The following CACNA2D3 variants were observed in gnomAD, a reference collection of about 807,000 sequenced individuals.
CACNA2D3 encodes voltage-dependent calcium channel subunit alpha-2/delta-3.
A neutral mutation model predicts 160.6 loss-of-function variants in CACNA2D3; 60 were observed. The ratio of observed to expected loss-of-function variants is 0.37; its 90% CI spans 0.30 to 0.46. The LOEUF (loss-of-function observed/expected upper bound fraction) is 0.46, where lower values mean the gene tolerates loss of function less well. Ranked by LOEUF, CACNA2D3 falls within the 20% of genes least tolerant of loss-of-function variation. CACNA2D3 has a pLI of 1.00. For missense variants in CACNA2D3, 1,205 were observed against 1,365.0 expected (o/e 0.88, Z 1.85); for synonymous variants, 558 against 492.9 (o/e 1.13, Z -1.75).
chr3:54,190,097 G>A (rs1031580228), intron 2 of CACNA2D3, among the ~76,000 whole-genome samples: 2 of 152,150 alleles, frequency 1.3e-5, no homozygotes, highest in African/African-American at 4.8e-5. Context: ...CCTCACTGTG[G>A]AAGGAATGAG....
At chr3:54,378,511 T>C (rs180779494) in intron 3 of CACNA2D3, among the ~76,000 whole-genome samples, 157 of 152,316 alleles carry the variant, frequency 1.0e-3, no homozygotes, top group African/African-American at 3.3e-3. Context: ...TGTAATGTCA[T>C]AGTCCCCATT....
intron 4 of CACNA2D3, among the ~76,000 whole-genome samples, chr3:54,496,731 C>G (rs552234524): frequency 3.9e-5 from 6 of 152,188 alleles, no homozygotes; most frequent in Middle Eastern, 3.4e-3. Flanking sequence ...CATAAAGTAT[C>G]CTTTACTTTT....
chr3:54,508,038 G>A (rs76256734), intron 5 of CACNA2D3, among the ~76,000 whole-genome samples: 3,518 of 152,320 alleles, frequency 0.023, 79 homozygotes, highest in East Asian at 0.084. Context: ...GGAGCCTTTA[G>A]CAGGTGAGTA....
At chr3:54,602,497 C>CAAAAA (rs1156290031) in intron 9 of CACNA2D3, among the ~76,000 whole-genome samples, 16 of 71,108 alleles carry the variant, frequency 2.3e-4, no homozygotes, top group Middle Eastern at 0.01. Flanking sequence ...GATTCCATCT[C>CAAAAA]AAAAAAAAAA....
chr3:54,165,114 ATTTTTT>A (rs397961895), intron 2 of CACNA2D3, among the ~76,000 whole-genome samples: 12 of 117,862 alleles, frequency 1.0e-4, no homozygotes, highest in South Asian at 3.1e-4. Flanking sequence ...TCTGAATCTC[ATTTTTT>A]TTTTTTTTTT....
At chr3:54,800,415 T>G (rs1702958754) in intron 13 of CACNA2D3, among the ~76,000 whole-genome samples, 1 of 152,184 alleles carries the variant, frequency 6.6e-6, no homozygotes, top group Non-Finnish European at 1.5e-5. Context: ...TTACCAAAAC[T>G]CCAATTCAGA....
intron 2 of CACNA2D3, among the ~76,000 whole-genome samples, chr3:54,301,302 GAA>G (rs58651715): frequency 2.1e-5 from 3 of 141,148 alleles, no homozygotes; most frequent in Non-Finnish European, 4.6e-5. Context: ...ACAAAAGACA[GAA>G]AAAAAAAAAA....
At position 54,926,552 on chromosome 3, in the gene CACNA2D3, A is replaced by ACT. The variant is rs1701027454; in HGVS notation, c.2449+26687_2449+26688dup. On this transcript the variant is annotated intron_variant, in intron 27 of 37. Coordinates refer to ENST00000474759, the MANE Select transcript of CACNA2D3 (RefSeq NM_018398.3). ...CACACACACACACACACACACACAC[A>ACT]CTCTGTTTTACATAACACTTTTTAA... Among the ~76,000 whole-genome samples the ACT allele has an allele frequency of 2.9e-5, 4 of 138,846 alleles. No individual in the cohort carries two copies. In the South Asian group the frequency reaches 7.1e-4, roughly 25 times the overall value. The allele number at this position is 138,846 out of a possible 152,430, so 91.1% of individuals were successfully genotyped here. A position where few individuals can be genotyped will look rare whatever the true frequency, so the allele number is the denominator to read the frequency against.
chr3:55,004,527 C>T (rs1241829840), intron 31 of CACNA2D3, among the ~76,000 whole-genome samples: 9 of 152,216 alleles, frequency 5.9e-5, no homozygotes, highest in African/African-American at 1.7e-4. Context: ...TCCTCATCCC[C>T]CTCTACCCTT....
intron 17 of CACNA2D3, among the ~76,000 whole-genome samples, chr3:54,869,748 C>T (rs1430556095): frequency 6.6e-6 from 1 of 152,202 alleles, no homozygotes; most frequent in East Asian, 1.9e-4. Flanking sequence ...AGGGGCAAGG[C>T]ACCGCTGCTG....
chr3:54,318,529 T>G (rs1475005750), intron 2 of CACNA2D3, among the ~76,000 whole-genome samples: 1 of 151,834 alleles, frequency 6.6e-6, no homozygotes, highest in Non-Finnish European at 1.5e-5. Flanking sequence ...TTTTCCAGGG[T>G]CAACTTAATG....
At chr3:54,569,759 G>T in intron 6 of CACNA2D3, 36 bp from the exon 7 acceptor site, 1 of 1,477,694 alleles carries the variant, frequency 6.8e-7, no homozygotes, top group Non-Finnish European at 9.3e-7. Flanking sequence ...AATATTTGAA[G>T]TTTCTGGGTT....
intron 3 of CACNA2D3, among the ~76,000 whole-genome samples, chr3:54,352,648 C>T (rs1219918195): frequency 1.3e-5 from 2 of 152,188 alleles, no homozygotes; most frequent in Admixed American, 6.5e-5. Context: ...TGGCACAAAG[C>T]CCCCGCAGTT....
At chr3:54,413,402 A>G (rs965098991) in intron 4 of CACNA2D3, among the ~76,000 whole-genome samples, 8 of 147,158 alleles carry the variant, frequency 5.4e-5, no homozygotes, top group Non-Finnish European at 9.0e-5. Context: ...ATATATCTAT[A>G]TATATCTATA....
intron 11 of CACNA2D3, among the ~76,000 whole-genome samples, chr3:54,648,386 CAA>C (rs1235498658): frequency 6.6e-6 from 1 of 152,214 alleles, no homozygotes; most frequent in Non-Finnish European, 1.5e-5. Context: ...GTAGTTGTGA[CAA>C]AGACCAGATG....
At chr3:54,200,094 C>T (rs1051923938) in intron 2 of CACNA2D3, among the ~76,000 whole-genome samples, 7 of 152,178 alleles carry the variant, frequency 4.6e-5, no homozygotes, top group African/African-American at 7.2e-5. Flanking sequence ...CCTGTGGAAT[C>T]GGAGGTATGT....
chr3:54,590,780 A>G (rs1297727865), intron 9 of CACNA2D3, among the ~76,000 whole-genome samples: 1 of 152,066 alleles, frequency 6.6e-6, no homozygotes, highest in Admixed American at 6.6e-5. Context: ...ATGTGGATCT[A>G]TGATTACCTC....
intron 11 of CACNA2D3, among the ~76,000 whole-genome samples, chr3:54,644,146 G>T (rs1699586613): frequency 6.6e-6 from 1 of 152,106 alleles, no homozygotes. Context: ...GGGCTGCAAA[G>T]TCCTAATTCT....
chr3:54,276,454 T>C (rs1702740659), intron 2 of CACNA2D3, among the ~76,000 whole-genome samples: 1 of 151,770 alleles, frequency 6.6e-6, no homozygotes, highest in African/African-American at 2.4e-5. Flanking sequence ...ACGCCTGTAA[T>C]CTCAGCTACT....
Sources: allele counts gnomAD v4.1 joint callset (sites outside exome capture counted in the v4.1 genomes callset), GRCh38; gene constraint gnomAD v4.1.1; transcripts MANE v1.5; gene names NCBI Gene and HGNC (gene_info 2026-07-23, HGNC 2026-07-21).